COX7B2: variants seen among roughly 807,000 people sequenced by gnomAD.
COX7B2 encodes the protein cytochrome c oxidase subunit 7B2.
For synonymous variants in COX7B2, 37 were observed against 32.1 expected, an observed-to-expected ratio of 1.15 and a Z score of -0.51; for missense variants, 109 against 95.9, an observed-to-expected ratio of 1.14 and a Z score of -0.57.
chr4:46,742,968 T>C (rs1040407159), intron 2 of COX7B2, among the ~76,000 whole-genome samples: 5 of 152,156 alleles, frequency 3.3e-5, no homozygotes, highest in Non-Finnish European at 7.4e-5. Flanking sequence ...ATTAAGGTGG[T>C]TCACTCATTA....
At chr4:46,896,978 G>A (rs1276255018) in intron 1 of COX7B2, among the ~76,000 whole-genome samples, 8 of 152,190 alleles carry the variant, frequency 5.3e-5, no homozygotes, top group African/African-American at 1.7e-4. Flanking sequence ...TAGTCTCTCT[G>A]GAAGATGTGT....
At chr4:46,801,141 G>A (rs1299443966) in intron 2 of COX7B2, among the ~76,000 whole-genome samples, 1 of 152,108 alleles carries the variant, frequency 6.6e-6, no homozygotes, top group Non-Finnish European at 1.5e-5. Context: ...TTCCTGGTGG[G>A]AATGTAAATT....
chr4:46,858,487 ATTT>A (rs2109794745), intron 1 of COX7B2, among the ~76,000 whole-genome samples: 1 of 152,266 alleles, frequency 6.6e-6, no homozygotes, highest in South Asian at 2.1e-4. Flanking sequence ...TTAGTTTTAT[ATTT>A]AATACATTTT....
intron 2 of COX7B2, among the ~76,000 whole-genome samples, chr4:46,801,734 G>T (rs963891694): frequency 3.3e-5 from 5 of 152,088 alleles, no homozygotes; most frequent in African/African-American, 7.2e-5. Flanking sequence ...GTTGGAAGGG[G>T]AAATAAATGA....
chr4:46,903,969 A>G (rs1275556297), intron 1 of COX7B2: 1 of 152,198 alleles, frequency 6.6e-6, no homozygotes, highest in Non-Finnish European at 1.5e-5. Context: ...CACATCAAAG[A>G]CAAATTTTTC....
chr4:46,765,910 C>A (rs1256517662), intron 2 of COX7B2, among the ~76,000 whole-genome samples: 1 of 152,174 alleles, frequency 6.6e-6, no homozygotes, highest in Non-Finnish European at 1.5e-5. Flanking sequence ...AGGTTCCAGG[C>A]TAGCCTCCAG....
chr4:46,767,225 C>A (rs1716594819), intron 2 of COX7B2, among the ~76,000 whole-genome samples: 1 of 152,036 alleles, frequency 6.6e-6, no homozygotes, highest in Non-Finnish European at 1.5e-5. Flanking sequence ...CTGTATCAGA[C>A]AATAGACAAT....
chr4:46,811,820 G>T (rs766497881), intron 2 of COX7B2, among the ~76,000 whole-genome samples: 1 of 152,092 alleles, frequency 6.6e-6, no homozygotes, highest in Non-Finnish European at 1.5e-5. Flanking sequence ...GGTTGAACAC[G>T]GTGCAAGCAA....
At chr4:46,788,609 T>C (rs968667389) in intron 2 of COX7B2, among the ~76,000 whole-genome samples, 1 of 152,222 alleles carries the variant, frequency 6.6e-6, no homozygotes, top group Non-Finnish European at 1.5e-5. Context: ...ATTGATAAAA[T>C]ATTTTTATCT....
intron 1 of COX7B2, among the ~76,000 whole-genome samples, chr4:46,878,575 T>C (rs1438062606): frequency 1.3e-5 from 2 of 152,164 alleles, no homozygotes; most frequent in South Asian, 2.1e-4. Context: ...AAAAATTTAG[T>C]GCCAAGAGAG....
In COX7B2 at chr4:46,734,941, T is replaced by G. The variant is rs375968257; in HGVS notation, c.*6A>C. ...AACAATTCTGTCATTACAGCAACTGTGATGGTTACTGATGTTTCCACTCTT... is the reference window on the plus strand; with the variant it reads ...AACAATTCTGTCATTACAGCAACTGGGATGGTTACTGATGTTTCCACTCTT... On this transcript the variant is annotated 3_prime_UTR_variant, in exon 3 of 3. Transcript: ENST00000355591. 2.5e-6 allele frequency: 4 copies of G among 1,613,882 alleles called. No individual in the cohort carries two copies. The highest frequency in any genetic ancestry group is 3.4e-6 in the Non-Finnish European group (4 of 1,179,946).
chr4:46,755,164 T>C (rs1189924343), intron 2 of COX7B2, among the ~76,000 whole-genome samples: 1 of 151,948 alleles, frequency 6.6e-6, no homozygotes, highest in Non-Finnish European at 1.5e-5. Flanking sequence ...GTACATCACA[T>C]AAACAGAATT....
At chr4:46,906,280 C>T (rs1184998684) in intron 1 of COX7B2, among the ~76,000 whole-genome samples, 2 of 152,178 alleles carry the variant, frequency 1.3e-5, no homozygotes, top group Non-Finnish European at 2.9e-5. Context: ...TGAATTGAAG[C>T]TGCAACTGAT....
intron 1 of COX7B2, among the ~76,000 whole-genome samples, chr4:46,905,534 A>T (rs929523000): frequency 6.6e-6 from 1 of 152,206 alleles, no homozygotes; most frequent in Non-Finnish European, 1.5e-5. Context: ...TAATTTTGAC[A>T]TTAACGATTC....
At chr4:46,832,406 C>G (rs1362274734) in intron 2 of COX7B2, among the ~76,000 whole-genome samples, 4 of 152,182 alleles carry the variant, frequency 2.6e-5, no homozygotes, top group African/African-American at 4.8e-5. Context: ...CAAGAACCCA[C>G]CAATTCCAGA....
At chr4:46,836,592 T>TA (rs532024563) in intron 2 of COX7B2, among the ~76,000 whole-genome samples, 165 of 143,162 alleles carry the variant, frequency 1.2e-3, no homozygotes, top group African/African-American at 1.8e-3. Flanking sequence ...AGTTAAATTT[T>TA]AAAAAAAAAA....
At chr4:46,820,835 AT>A (rs1478931832) in intron 2 of COX7B2, among the ~76,000 whole-genome samples, 1,456 of 135,776 alleles carry the variant, frequency 0.011, 14 homozygotes, top group African/African-American at 0.022. Flanking sequence ...AAAAAAAAAA[AT>A]ATATATATAT....
chr4:46,874,737 A>G (rs552160709), intron 1 of COX7B2, among the ~76,000 whole-genome samples: 1 of 152,218 alleles, frequency 6.6e-6, no homozygotes, highest in Non-Finnish European at 1.5e-5. Flanking sequence ...AAAAAAATGT[A>G]TACTTGGCCA....
intron 1 of COX7B2, among the ~76,000 whole-genome samples, chr4:46,906,999 C>T (rs1364480290): frequency 6.6e-6 from 1 of 152,206 alleles, no homozygotes; most frequent in Non-Finnish European, 1.5e-5. Context: ...CAACAGATTT[C>T]CCTAGTCTTA....
Sources: gnomAD v4.1 joint callset for allele counts (sites outside exome capture counted in the v4.1 genomes callset) on GRCh38, gnomAD v4.1.1 for gene constraint, MANE v1.5 for transcripts, NCBI Gene and HGNC (gene_info 2026-07-23, HGNC 2026-07-21) for gene names.